RANBP2: variants seen among roughly 807,000 people sequenced by gnomAD.
RANBP2 encodes E3 SUMO-protein ligase RanBP2.
RANBP2 carries 57 observed loss-of-function variants against 303.6 expected under a neutral mutation model. The ratio of observed to expected loss-of-function variants is 0.19; its 90% CI spans 0.15 to 0.23. The LOEUF (loss-of-function observed/expected upper bound fraction) is 0.23, where lower values mean the gene tolerates loss of function less well. RANBP2 is among the 10% of genes least tolerant of loss of function. RANBP2 has a pLI of 1.00. For synonymous variants in RANBP2, 1,167 were observed against 1,301.5 expected (o/e 0.90, Z 2.23); for missense variants, 3,138 against 3,780.8 (o/e 0.83, Z 4.46).
chr2:109,322,006 A>G, the RANBP2 span, among the ~76,000 whole-genome samples: 1 of 152,196 alleles, frequency 6.6e-6, no homozygotes, highest in South Asian at 2.1e-4. Context: ...ACCACATTTC[A>G]AGAAGTGGAT....
the RANBP2 span, among the ~76,000 whole-genome samples, chr2:108,869,952 C>T: frequency 3.0e-4 from 45 of 152,290 alleles, no homozygotes; most frequent in Admixed American, 7.8e-4. Flanking sequence ...CAGAAACTAT[C>T]CTGTAAAGAC....
chr2:109,007,041 ACT>A, the RANBP2 span, among the ~76,000 whole-genome samples: 1 of 151,986 alleles, frequency 6.6e-6, no homozygotes, highest in Non-Finnish European at 1.5e-5. Context: ...AATACAGAAG[ACT>A]CTGTACTCTG....
chr2:108,878,985 ATATT>A, the RANBP2 span, among the ~76,000 whole-genome samples: 9 of 152,366 alleles, frequency 5.9e-5, no homozygotes, highest in South Asian at 2.1e-4. Flanking sequence ...GTGAACAAAA[ATATT>A]TAGGATAAAG....
chr2:109,008,161 T>C, the RANBP2 span, among the ~76,000 whole-genome samples: 2 of 152,238 alleles, frequency 1.3e-5, no homozygotes, highest in Admixed American at 6.5e-5. Flanking sequence ...GTACCTTGCT[T>C]ATGCCCTTGC....
At chr2:108,776,062 C>T (rs1484874340) in intron 24 of RANBP2, 126 bp downstream of exon 24, 2 of 729,708 alleles carry the variant, frequency 2.7e-6, no homozygotes, top group African/African-American at 3.6e-5. Flanking sequence ...AAAGGGGCAT[C>T]TTAGTAGTAG....
chr2:109,564,276 A>G, the RANBP2 span: 1 of 1,202,756 alleles, frequency 8.3e-7, no homozygotes, highest in Non-Finnish European at 1.1e-6. Context: ...GAGATTCTAA[A>G]GAACACATGC....
At chr2:109,563,329 T>C in the RANBP2 span, among the ~76,000 whole-genome samples, 1 of 152,218 alleles carries the variant, frequency 6.6e-6, no homozygotes, top group Non-Finnish European at 1.5e-5. Context: ...TCCAAAAGCT[T>C]ATATGCAACA....
chr2:109,156,915 C>T, the RANBP2 span, among the ~76,000 whole-genome samples: 3 of 152,172 alleles, frequency 2.0e-5, no homozygotes, highest in Non-Finnish European at 4.4e-5. Flanking sequence ...TTAATGCTTT[C>T]TTTCCAGTTC....
At chr2:109,041,685 C>CTTT in the RANBP2 span, among the ~76,000 whole-genome samples, 1 of 82,044 alleles carries the variant, frequency 1.2e-5, no homozygotes, top group Non-Finnish European at 2.3e-5. Context: ...CCATGCCCGG[C>CTTT]TTTTTTTTTT....
the RANBP2 span, among the ~76,000 whole-genome samples, chr2:108,930,648 C>T: frequency 6.6e-6 from 1 of 152,152 alleles, no homozygotes; most frequent in African/African-American, 2.4e-5. Context: ...TCTTCCAAGT[C>T]TTTCTTAGCT....
the RANBP2 span, among the ~76,000 whole-genome samples, chr2:109,722,916 T>G: frequency 6.6e-6 from 1 of 152,214 alleles, no homozygotes; most frequent in Non-Finnish European, 1.5e-5. Context: ...TTGTGAATAG[T>G]GCTGTAGTGA....
chr2:109,130,963 G>A, the RANBP2 span, among the ~76,000 whole-genome samples: 3 of 152,070 alleles, frequency 2.0e-5, no homozygotes, highest in Admixed American at 6.6e-5. Context: ...GAAAAGAAAG[G>A]ACCCGGGTTT....
the RANBP2 span, among the ~76,000 whole-genome samples, chr2:108,872,890 A>G: frequency 6.6e-6 from 1 of 152,196 alleles, no homozygotes; most frequent in Non-Finnish European, 1.5e-5. Context: ...CACAAGTCTT[A>G]ACTTGTAATA....
the RANBP2 span, among the ~76,000 whole-genome samples, chr2:109,658,170 C>T: frequency 5.3e-5 from 8 of 150,508 alleles, no homozygotes; most frequent in South Asian, 4.4e-4. Flanking sequence ...ATAAATCAGC[C>T]GGGGCGGTGG....
chr2:109,346,925 TG>T, the RANBP2 span, among the ~76,000 whole-genome samples: 4 of 152,040 alleles, frequency 2.6e-5, no homozygotes, highest in African/African-American at 9.7e-5. Flanking sequence ...TGTGTCATGG[TG>T]GGGGGGTCTG....
the RANBP2 span, among the ~76,000 whole-genome samples, chr2:108,842,803 A>G: frequency 6.6e-6 from 1 of 152,246 alleles, no homozygotes; most frequent in Non-Finnish European, 1.5e-5. Flanking sequence ...TACATTTAAA[A>G]TGAATGCCAG....
At chr2:109,564,675 A>G in the RANBP2 span, 1 of 680,698 alleles carries the variant, frequency 1.5e-6, no homozygotes, top group Non-Finnish European at 2.2e-6. Flanking sequence ...AGCTACGATT[A>G]TTTTATACAT....
At chr2:109,378,595 A>G in the RANBP2 span, among the ~76,000 whole-genome samples, 1 of 152,172 alleles carries the variant, frequency 6.6e-6, no homozygotes, top group Non-Finnish European at 1.5e-5. Context: ...GCATTCCTGC[A>G]GATGTTCTTG....
At chr2:108,786,643 T>A (rs887476364), downstream of RANBP2, 3 of 625,826 alleles carry the variant, frequency 4.8e-6, no homozygotes, top group Non-Finnish European at 8.6e-6. Context: ...CACGAGAAAC[T>A]TGGAGGACGC....
Sources: allele counts gnomAD v4.1 joint callset (sites outside exome capture counted in the v4.1 genomes callset), GRCh38; gene constraint gnomAD v4.1.1; transcripts MANE v1.5; gene names NCBI Gene and HGNC (gene_info 2026-07-23, HGNC 2026-07-21).